The following TMEM135 variants were observed in gnomAD, a reference collection of about 807,000 sequenced individuals.
TMEM135 encodes the protein peroxisomal membrane protein 52.
In TMEM135, 30 loss-of-function variants were observed where a neutral mutation model predicts 60.3. The ratio of observed to expected loss-of-function variants is 0.50; its 90% CI spans 0.37 to 0.68. TMEM135 has a LOEUF of 0.68. Among genes scored for constraint, TMEM135 ranks in the 30% least tolerant of loss-of-function variants. The probability of loss-of-function intolerance (pLI) is 0.00; values close to 1 mark genes in which losing one functional copy is unlikely to be tolerated. For synonymous variants in TMEM135, 190 were observed against 186.7 expected (o/e 1.02, Z -0.14); for missense variants, 468 against 548.8 (o/e 0.85, Z 1.47).
chr11:87,132,899 A>G (rs1030273488), intron 4 of TMEM135, among the ~76,000 whole-genome samples: 4 of 152,176 alleles, frequency 2.6e-5, no homozygotes, highest in Admixed American at 2.6e-4. Flanking sequence ...TAGTAACAAT[A>G]ATAAAACAAA....
rs1939871086 is a variant in TMEM135, at chr11:87,193,776, A to G, written c.462+36370A>G. ...TATATATTCTTATATATTATATTATATATTATATAAACATATATATTTGTA... is the reference window on the plus strand; with the variant it reads ...TATATATTCTTATATATTATATTATGTATTATATAAACATATATATTTGTA... On this transcript the variant is annotated intron_variant, in intron 5 of 14. Transcript: ENST00000305494. Among the ~76,000 whole-genome samples, 3 of 148,318 alleles carry G rather than the reference A, an allele frequency of 2.0e-5. 1 individual carries two copies. The highest frequency in any genetic ancestry group is 1.3e-4 in the Admixed American group (2 of 14,822).
chr11:87,046,323 G>A (rs1335700856), intron 1 of TMEM135, among the ~76,000 whole-genome samples: 2 of 152,236 alleles, frequency 1.3e-5, no homozygotes, highest in African/African-American at 2.4e-5. Context: ...AGAATCGCTT[G>A]CAGCGAGTGG....
At chr11:87,162,635 G>A (rs1184711003) in intron 5 of TMEM135, among the ~76,000 whole-genome samples, 4 of 152,124 alleles carry the variant, frequency 2.6e-5, no homozygotes, top group Non-Finnish European at 5.9e-5. Flanking sequence ...GGGCATTTGG[G>A]TTGTTTCCAA....
chr11:87,232,363 A>G (rs1940907882), intron 5 of TMEM135, among the ~76,000 whole-genome samples: 1 of 152,162 alleles, frequency 6.6e-6, no homozygotes, highest in South Asian at 2.1e-4. Flanking sequence ...AGAAGAAAAA[A>G]TAATGATGAA....
intron 6 of TMEM135, among the ~76,000 whole-genome samples, chr11:87,257,201 G>C (rs1941543390): frequency 6.6e-6 from 1 of 152,118 alleles, no homozygotes; most frequent in South Asian, 2.1e-4. Flanking sequence ...ATCACAGAAA[G>C]TTCTTAGATG....
At chr11:87,208,293 T>C (rs147787369) in intron 5 of TMEM135, among the ~76,000 whole-genome samples, 49 of 152,202 alleles carry the variant, frequency 3.2e-4, no homozygotes, top group Non-Finnish European at 6.0e-4. Context: ...GTTACAAGAG[T>C]TGATTGAGAC....
At chr11:87,270,536 T>C (rs1426065818) in intron 6 of TMEM135, among the ~76,000 whole-genome samples, 1 of 152,178 alleles carries the variant, frequency 6.6e-6, no homozygotes. Context: ...AGTCCTACAA[T>C]ATATAACTAA....
intron 6 of TMEM135, among the ~76,000 whole-genome samples, chr11:87,291,515 A>AGTTTTT (rs1942260956): frequency 2.0e-5 from 1 of 50,532 alleles, no homozygotes; most frequent in Non-Finnish European, 3.5e-5. Context: ...CAGCCAAGTG[A>AGTTTTT]TTTTTTTTTT....
At chr11:87,224,981 T>C (rs1246225979) in intron 5 of TMEM135, among the ~76,000 whole-genome samples, 2 of 152,144 alleles carry the variant, frequency 1.3e-5, no homozygotes, top group Non-Finnish European at 2.9e-5. Flanking sequence ...TACATTGCTG[T>C]TCTTCACTAG....
At chr11:87,304,071 A>G (rs912874029) in intron 8 of TMEM135, among the ~76,000 whole-genome samples, 1 of 152,188 alleles carries the variant, frequency 6.6e-6, no homozygotes, top group East Asian at 1.9e-4. Flanking sequence ...ATTTAACTTC[A>G]CTAGCAAAGA....
At position 87,321,793 on chromosome 11, in the gene TMEM135, G is replaced by T. The variant is rs1210090264; in HGVS notation, c.*460G>T. 4.4e-6 allele frequency: 2 copies of T among 454,338 alleles called. No individual in the cohort carries two copies. The highest frequency in any genetic ancestry group is 4.0e-5 in the African/African-American group (2 of 49,958). 28.1% of individuals were successfully genotyped at this position (454,338 alleles called of 1,614,324 possible). On this transcript the variant is annotated 3_prime_UTR_variant, in exon 15 of 15. Coordinates refer to ENST00000305494, the MANE Select transcript of TMEM135 (RefSeq NM_022918.4). ...TATATTTTTTTAAAGTTTTGAATTG[G>T]TATCTGTAGTAGTGGAATGTTATAG...
intron 6 of TMEM135, among the ~76,000 whole-genome samples, chr11:87,287,895 G>T (rs1249265434): frequency 2.6e-5 from 4 of 152,070 alleles, no homozygotes; most frequent in Non-Finnish European, 4.4e-5. Context: ...TTTGCCATTT[G>T]TTGGTGGAAT....
intron 5 of TMEM135, among the ~76,000 whole-genome samples, chr11:87,181,992 T>C (rs1939527895): frequency 6.6e-6 from 1 of 151,326 alleles, no homozygotes; most frequent in South Asian, 2.1e-4. Context: ...TCATGGAGTG[T>C]ATTTGAAATG....
chr11:87,150,233 A>G (rs1422473627), intron 4 of TMEM135, among the ~76,000 whole-genome samples: 1 of 145,730 alleles, frequency 6.9e-6, no homozygotes, highest in Admixed American at 7.0e-5. Context: ...AAAAAAAAAA[A>G]AAGAAAAAAA....
At position 87,173,040 on chromosome 11, in the gene TMEM135, T is replaced by C. The variant is rs1939280198; in HGVS notation, c.462+15634T>C. ...TTCTTACTGTTGAATGTGAATTCTT[T>C]ATACAAGGAAACCTAGAAGTAAACT... On this transcript the variant is annotated intron_variant, in intron 5 of 14. Coordinates refer to ENST00000305494, the MANE Select transcript of TMEM135 (RefSeq NM_022918.4). Among the ~76,000 whole-genome samples the C allele has an allele frequency of 2.0e-5, 3 of 152,082 alleles. No individual in the cohort carries two copies. The South Asian group carries it at 6.2e-4, about 31-fold the overall frequency.
At chr11:87,172,425 T>C (rs1047037119) in intron 5 of TMEM135, among the ~76,000 whole-genome samples, 1 of 151,890 alleles carries the variant, frequency 6.6e-6, no homozygotes, top group Admixed American at 6.6e-5. Flanking sequence ...AAAGTAGGTT[T>C]TTTTTTTTTA....
At chr11:87,271,769 A>G (rs1406443136) in intron 6 of TMEM135, among the ~76,000 whole-genome samples, 1 of 151,892 alleles carries the variant, frequency 6.6e-6, no homozygotes, top group Non-Finnish European at 1.5e-5. Context: ...TCCCCTCTCT[A>G]TAAAAAATAC....
chr11:87,282,936 C>T (rs1942095022), intron 6 of TMEM135, among the ~76,000 whole-genome samples: 1 of 152,120 alleles, frequency 6.6e-6, no homozygotes, highest in Admixed American at 6.6e-5. Context: ...ATTCATACCA[C>T]AGATTAAGTT....
chr11:87,160,436 T>A (rs575117578), intron 5 of TMEM135, among the ~76,000 whole-genome samples: 1 of 152,222 alleles, frequency 6.6e-6, no homozygotes, highest in Non-Finnish European at 1.5e-5. Context: ...GGTCATCTTA[T>A]AGATGAACTG....
Sources: gnomAD v4.1 joint callset for allele counts (sites outside exome capture counted in the v4.1 genomes callset) on GRCh38, gnomAD v4.1.1 for gene constraint, MANE v1.5 for transcripts, NCBI Gene and HGNC (gene_info 2026-07-23, HGNC 2026-07-21) for gene names.